ATRNL1: variants seen among roughly 807,000 people sequenced by gnomAD.
ATRNL1 encodes attractin like 1, also known as attractin-like protein 1.
Under a neutral mutation model 182.7 loss-of-function variants are expected in ATRNL1, and 95 were observed. The observed-to-expected ratio is 0.52, with a 90% CI of 0.44 to 0.62. The LOEUF is 0.62. Ranked by LOEUF, ATRNL1 falls within the 20% of genes least tolerant of loss-of-function variation. ATRNL1 has a pLI of 0.00. For synonymous variants in ATRNL1, 576 were observed against 568.3 expected, an observed-to-expected ratio of 1.01 and a Z score of -0.19; for missense variants, 1,471 against 1,679.5, an observed-to-expected ratio of 0.88 and a Z score of 2.17.
Position 115,792,492 on chromosome 10 carries a change from T to C in ATRNL1, c.3904-55385T>C, listed in dbSNP as rs1555081976. ...AAATCTTCTGTTGAGAATATTGCCG[T>C]TTTACTTATCTAAAACAGTATGCAG... On this transcript the variant is annotated intron_variant, in intron 27 of 28. Coordinates refer to ENST00000355044, the MANE Select transcript of ATRNL1 (RefSeq NM_207303.4). 4.0e-4 allele frequency among the ~76,000 whole-genome samples: 61 copies of C among 152,078 alleles called. 1 individual carries two copies.
chr10:115,816,014 A>T (rs1459564123), intron 27 of ATRNL1, among the ~76,000 whole-genome samples: 1 of 152,162 alleles, frequency 6.6e-6, no homozygotes, highest in African/African-American at 2.4e-5. Context: ...GTCCAGAAAC[A>T]GATTCAGTGA....
chr10:115,764,766 A>G (rs1430051852), intron 27 of ATRNL1, among the ~76,000 whole-genome samples: 1 of 152,002 alleles, frequency 6.6e-6, no homozygotes, highest in East Asian at 1.9e-4. Context: ...TCCGCCTCCC[A>G]CATTCAAGCA....
intron 20 of ATRNL1, among the ~76,000 whole-genome samples, chr10:115,424,770 TGTG>T (rs1483934308): frequency 6.6e-6 from 1 of 152,132 alleles, no homozygotes; most frequent in Non-Finnish European, 1.5e-5. Context: ...GAATTGTGGT[TGTG>T]AGAAGCTGTG....
intron 28 of ATRNL1, among the ~76,000 whole-genome samples, chr10:115,932,459 C>A (rs946995554): frequency 6.6e-6 from 1 of 152,160 alleles, no homozygotes; most frequent in African/African-American, 2.4e-5. Flanking sequence ...TCTGTAATAA[C>A]TTTCAGTAAG....
chr10:115,113,071 CA>C lies in ATRNL1; in HGVS notation c.294-7112del, dbSNP rs377533844. 7.2e-5 allele frequency among the ~76,000 whole-genome samples: 11 copies of C among 152,246 alleles called. No homozygotes were observed. The East Asian group carries it at 1.9e-3, about 27-fold the overall frequency. On this transcript the variant is annotated intron_variant, in intron 1 of 28. Coordinates refer to ENST00000355044, the MANE Select transcript of ATRNL1 (RefSeq NM_207303.4). Reference sequence around the variant, plus strand: ...TTCTGAAGACAAAGCACAATCAAAGCAATGGCTACCAGGAGGTAGAAGGGGT... The same window carrying C: ...TTCTGAAGACAAAGCACAATCAAAGCATGGCTACCAGGAGGTAGAAGGGGT...
intron 5 of ATRNL1, among the ~76,000 whole-genome samples, chr10:115,134,494 G>A (rs1034560500): frequency 6.6e-6 from 1 of 152,090 alleles, no homozygotes; most frequent in African/African-American, 2.4e-5. Context: ...GGAAGAAGTT[G>A]AATCTCTGAA....
chr10:115,361,802 A>G (rs1210642727), intron 19 of ATRNL1, among the ~76,000 whole-genome samples: 4 of 152,072 alleles, frequency 2.6e-5, no homozygotes, highest in Admixed American at 2.0e-4. Flanking sequence ...TCTCCAATTT[A>G]TAACTTAAAT....
chr10:115,107,077 T>G (rs1050874203), intron 1 of ATRNL1, among the ~76,000 whole-genome samples: 3 of 152,206 alleles, frequency 2.0e-5, no homozygotes, highest in African/African-American at 7.2e-5. Context: ...ACAGCGTTAA[T>G]GCCCTCATGG....
intron 27 of ATRNL1, among the ~76,000 whole-genome samples, chr10:115,816,358 A>T (rs530918387): frequency 2.0e-5 from 3 of 152,270 alleles, no homozygotes; most frequent in African/African-American, 7.2e-5. Context: ...TGGCTTAAGA[A>T]TCAGATATTG....
intron 26 of ATRNL1, among the ~76,000 whole-genome samples, chr10:115,617,161 A>C (rs782246417): frequency 1.3e-5 from 2 of 152,244 alleles, no homozygotes; most frequent in Non-Finnish European, 2.9e-5. Context: ...CTCTTGCACC[A>C]GTGTGCTCTA....
intron 18 of ATRNL1, among the ~76,000 whole-genome samples, 185 bp from the exon 19 acceptor site, chr10:115,334,097 T>C (rs1238473641): frequency 1.3e-5 from 2 of 152,180 alleles, no homozygotes; most frequent in Non-Finnish European, 2.9e-5. Context: ...AACACATGAT[T>C]TATGGTACAT....
chr10:115,742,687 C>T (rs578079460), intron 27 of ATRNL1, among the ~76,000 whole-genome samples: 1 of 152,134 alleles, frequency 6.6e-6, no homozygotes, highest in Non-Finnish European at 1.5e-5. Context: ...CTGTTTCAAG[C>T]CTTCATGATT....
In ATRNL1 at chr10:115,928,835, G is replaced by A. The variant is rs190811735; in HGVS notation, c.4019-15823G>A. Among the ~76,000 whole-genome samples the A allele has an allele frequency of 3.9e-5, 6 of 152,036 alleles. No homozygotes were observed. In the East Asian group the frequency reaches 1.2e-3, roughly 29 times the overall value. ...CAGTGTTTCATGTATCTGTGTTTGT[G>A]GGTGTGAAAAGCACCTTTATTACTG... On this transcript the variant is annotated intron_variant, in intron 28 of 28. Transcript: ENST00000355044.
At chr10:115,682,581 A>G (rs149797876) in intron 26 of ATRNL1, among the ~76,000 whole-genome samples, 64 of 152,190 alleles carry the variant, frequency 4.2e-4, no homozygotes, top group African/African-American at 1.4e-3. Flanking sequence ...TATGTACTTG[A>G]TATGTTGCTG....
intron 26 of ATRNL1, among the ~76,000 whole-genome samples, chr10:115,670,435 G>A (rs533121356): frequency 6.6e-6 from 1 of 152,158 alleles, no homozygotes; most frequent in East Asian, 1.9e-4. Flanking sequence ...AACATTTTAA[G>A]TTGCATTTTT....
intron 8 of ATRNL1, among the ~76,000 whole-genome samples, chr10:115,183,295 C>T (rs1170897278): frequency 6.6e-6 from 1 of 150,956 alleles, no homozygotes; most frequent in Non-Finnish European, 1.5e-5. Context: ...ACCACATTCC[C>T]AATTCAAAAA....
intron 26 of ATRNL1, among the ~76,000 whole-genome samples, chr10:115,625,130 T>G (rs1225674842): frequency 2.6e-5 from 4 of 152,142 alleles, no homozygotes; most frequent in Non-Finnish European, 4.4e-5. Context: ...TTTATAACAG[T>G]GTCTTATTTG....
chr10:115,727,432 T>C, intron 27 of ATRNL1, 77 bp downstream of exon 27: 1 of 1,110,176 alleles, frequency 9.0e-7, no homozygotes, highest in Non-Finnish European at 1.3e-6. Context: ...TACATCTGCT[T>C]ATGAAGCCAA....
chr10:115,179,002 T>C (rs1187391029), intron 8 of ATRNL1, among the ~76,000 whole-genome samples: 3 of 152,170 alleles, frequency 2.0e-5, no homozygotes, highest in Admixed American at 6.6e-5. Flanking sequence ...TGTGTATACT[T>C]TCTAGTAAAG....
Sources: gnomAD v4.1 joint callset for allele counts (sites outside exome capture counted in the v4.1 genomes callset) on GRCh38, gnomAD v4.1.1 for gene constraint, MANE v1.5 for transcripts, NCBI Gene and HGNC (gene_info 2026-07-23, HGNC 2026-07-21) for gene names.